Variants in POLQ observed in about 807,000 individuals in gnomAD.
The protein encoded by POLQ is epididymis secretory sperm binding protein.
Under a neutral mutation model 259.2 loss-of-function variants are expected in POLQ, and 233 were observed. The observed-to-expected ratio is 0.90, with a 90% confidence interval of 0.81 to 1.00. POLQ has a LOEUF of 1.00. POLQ is among the 50% of genes least tolerant of loss of function. POLQ has a pLI of 0.00. For synonymous variants in POLQ, 1,025 were observed against 1,048.8 expected (o/e 0.98, Z 0.44); for missense variants, 2,871 against 3,051.6 (o/e 0.94, Z 1.39).
chr3:121,507,173 T>C (rs1341442094), intron 12 of POLQ, among the ~76,000 whole-genome samples: 2 of 152,218 alleles, frequency 1.3e-5, no homozygotes, highest in Non-Finnish European at 2.9e-5. Context: ...TCTCTGACTA[T>C]TCCTGTTTAT....
intron 19 of POLQ, among the ~76,000 whole-genome samples, chr3:121,481,304 T>C (rs890860739): frequency 2.0e-5 from 3 of 152,246 alleles, no homozygotes; most frequent in Non-Finnish European, 4.4e-5. Context: ...TGCATGTTTT[T>C]GTAAAGTGTT....
intron 26 of POLQ, among the ~76,000 whole-genome samples, chr3:121,445,990 C>T (rs2047629762): frequency 6.6e-6 from 1 of 151,388 alleles, no homozygotes; most frequent in Non-Finnish European, 1.5e-5. Context: ...TTTGGATTTG[C>T]CTTGCTCTTA....
intron 24 of POLQ, among the ~76,000 whole-genome samples, chr3:121,466,363 CAA>C (rs751087085): frequency 0.027 from 2,586 of 94,124 alleles, 32 homozygotes; most frequent in Middle Eastern, 0.095. Flanking sequence ...GACTCCGTCT[CAA>C]AAAAAAAAAA....
chr3:121,519,796 G>A, intron 9 of POLQ, 75 bp downstream of exon 9: 1 of 807,020 alleles, frequency 1.2e-6, no homozygotes. Flanking sequence ...GAAACAGGTT[G>A]CCAGACACTA....
intron 27 of POLQ, among the ~76,000 whole-genome samples, chr3:121,439,448 G>C (rs563868917): frequency 6.6e-6 from 1 of 152,046 alleles, no homozygotes; most frequent in Admixed American, 6.6e-5. Flanking sequence ...GCCCAAGCTG[G>C]TCTCAAACTC....
chr3:121,454,015 A>G (rs1225334324), intron 25 of POLQ, among the ~76,000 whole-genome samples: 1 of 152,252 alleles, frequency 6.6e-6, no homozygotes, highest in Non-Finnish European at 1.5e-5. Context: ...GAAGCCCATC[A>G]GACTAACAGC....
chr3:121,495,290 G>A (rs1201340421), intron 14 of POLQ, among the ~76,000 whole-genome samples: 1 of 151,914 alleles, frequency 6.6e-6, no homozygotes, highest in East Asian at 1.9e-4. Flanking sequence ...AAAAGTAAGG[G>A]ACTCTTTCCA....
chr3:121,494,162 T>C (rs1576416584), intron 14 of POLQ: 2 of 985,376 alleles, frequency 2.0e-6, no homozygotes, highest in East Asian at 2.5e-5. Context: ...GCCCCTGCTG[T>C]CGTGAAGAAG....
intron 25 of POLQ, among the ~76,000 whole-genome samples, chr3:121,459,739 G>T (rs189661786): frequency 6.6e-6 from 1 of 152,034 alleles, no homozygotes; most frequent in Non-Finnish European, 1.5e-5. Context: ...ACGAACACAC[G>T]CACTCTGACC....
intron 24 of POLQ, 86 bp from the exon 25 acceptor site, chr3:121,460,320 G>T: frequency 2.0e-6 from 2 of 1,006,168 alleles, no homozygotes; most frequent in South Asian, 1.6e-5. Context: ...TGAGCAGGAT[G>T]ACAAAAATTT....
intron 12 of POLQ, among the ~76,000 whole-genome samples, chr3:121,508,752 A>T (rs1462967959): frequency 6.6e-6 from 1 of 152,176 alleles, no homozygotes; most frequent in African/African-American, 2.4e-5. Context: ...ATTGAAACAC[A>T]TTTCCTGATA....
chr3:121,509,449 T>G, intron 12 of POLQ, 112 bp downstream of exon 12: 1 of 844,440 alleles, frequency 1.2e-6, no homozygotes, highest in Non-Finnish European at 1.8e-6. Flanking sequence ...AGTACTAACC[T>G]AGGCATGGAA....
intron 6 of POLQ, among the ~76,000 whole-genome samples, chr3:121,532,028 C>T (rs1370518852): frequency 6.6e-6 from 1 of 152,190 alleles, no homozygotes; most frequent in Admixed American, 6.5e-5. Flanking sequence ...GTACATGAGT[C>T]AGTTCTTTAA....
In POLQ at chr3:121,496,960, A is replaced by C. The variant is rs867607311; in HGVS notation, c.2154-28T>G. On this transcript the variant is annotated intron_variant, in intron 13 of 29. Transcript: ENST00000264233. ...GGGAATAAATCATCAAAAGCGTGGT[A>C]AGAGATCCTTCACGTCTACTAGGCG... 20 of 1,609,792 alleles carry C rather than the reference A, an allele frequency of 1.2e-5. No homozygotes were observed. The Middle Eastern group carries it at 2.5e-3, about 199-fold the overall frequency.
intron 16 of POLQ, 53 bp from the exon 17 acceptor site, chr3:121,485,237 C>T: frequency 1.6e-6 from 2 of 1,236,156 alleles, no homozygotes; most frequent in Non-Finnish European, 2.3e-6. Flanking sequence ...AAAGACATTA[C>T]ATAAATTGTT....
intron 18 of POLQ, 131 bp from the exon 19 acceptor site, chr3:121,481,943 T>C: frequency 1.2e-6 from 1 of 819,980 alleles, no homozygotes; most frequent in Non-Finnish European, 1.9e-6. Context: ...TATTCAGTGG[T>C]CTTCCCAGGA....
At position 121,490,290 on chromosome 3, in the gene POLQ, C is replaced by T; in HGVS notation, c.2641G>A (p.Glu881Lys). 1 of 1,614,234 alleles carries T rather than the reference C, an allele frequency of 6.2e-7. No homozygotes were observed. Reference protein sequence around the residue: ...TEREAAALIVEEARMILQQDL... With the variant: ...TEREAAALIVKEARMILQQDL... Reference sequence around the variant, plus strand: ...TGCTGCAGAATCATTCTGGCTTCTTCCACTATAAGGGCTGCTGCTTCCCTT... The same window carrying T: ...TGCTGCAGAATCATTCTGGCTTCTTTCACTATAAGGGCTGCTGCTTCCCTT... The change falls in exon 16 of 30, where the codon GAA becomes AAA. Residue 881 changes from glutamate to lysine, a missense_variant. Coordinates refer to ENST00000264233, the MANE Select transcript of POLQ (RefSeq NM_199420.4).
Position 121,545,751 on chromosome 3 carries a change from G to A in POLQ, c.127C>T (p.Pro43Ser). 1.3e-6 allele frequency: 2 copies of A among 1,594,878 alleles called. No homozygotes were observed. The highest frequency in any genetic ancestry group is 1.7e-6 in the Non-Finnish European group (2 of 1,171,010). Residue 43 changes from proline (P) to serine (S), a missense_variant, in exon 1 of 30, where the codon CCC (proline) becomes TCC (serine). Physicochemically the swap from Pro to Ser is moderately conservative, Grantham distance 74. Transcript: ENST00000264233. ...FLSGSVLSPP[P>S]GLGRCLKAAA... is the part of the protein sequence containing the mutation. ...GCCTTCAGGCAGCGACCAAGGCCGG[G>A]CGGCGGGCTCAGCACGGACCCGGAG... is the stretch of plus-strand genomic sequence containing the variant.
chr3:121,452,194 C>A (rs2047683893), intron 25 of POLQ, among the ~76,000 whole-genome samples: 1 of 152,168 alleles, frequency 6.6e-6, no homozygotes, highest in East Asian at 1.9e-4. Flanking sequence ...TCACAGCTTC[C>A]CTTGGCTAGG....
Sources: allele counts gnomAD v4.1 joint callset (sites outside exome capture counted in the v4.1 genomes callset), GRCh38; gene constraint gnomAD v4.1.1; transcripts MANE v1.5; gene names NCBI Gene and HGNC (gene_info 2026-07-23, HGNC 2026-07-21).